AUTS2: variants seen among roughly 807,000 people sequenced by gnomAD.
The protein encoded by AUTS2 is activator of transcription and developmental regulator AUTS2, also known as autism susceptibility gene 2 protein.
In AUTS2, 17 loss-of-function variants were observed where a neutral mutation model predicts 112.4. The ratio of observed to expected loss-of-function variants is 0.15; its 90% CI spans 0.10 to 0.23. The LOEUF is 0.23. Ranked by LOEUF, AUTS2 falls within the 10% of genes least tolerant of loss-of-function variation. The pLI is 1.00. For missense variants in AUTS2, 1,510 were observed against 1,701.6 expected, an observed-to-expected ratio of 0.89 and a Z score of 1.98; for synonymous variants, 751 against 702.7, an observed-to-expected ratio of 1.07 and a Z score of -1.09.
intron 4 of AUTS2, among the ~76,000 whole-genome samples, chr7:70,196,289 G>A (rs1810170917): frequency 6.6e-6 from 1 of 152,194 alleles, no homozygotes; most frequent in Non-Finnish European, 1.5e-5. Flanking sequence ...AAATAATTGG[G>A]CTTGGGAAAT....
chr7:69,701,847 T>G (rs1439033681), intron 1 of AUTS2, among the ~76,000 whole-genome samples: 1 of 152,142 alleles, frequency 6.6e-6, no homozygotes, highest in Non-Finnish European at 1.5e-5. Context: ...GTGGTGGAGT[T>G]GGGGTTTGAG....
intron 1 of AUTS2, among the ~76,000 whole-genome samples, chr7:69,625,639 C>T (rs1325327879): frequency 1.3e-5 from 2 of 151,964 alleles, no homozygotes; most frequent in African/African-American, 4.8e-5. Context: ...CTGGAGGATC[C>T]CTTGAGTCCA....
chr7:70,181,770 T>C (rs1031060256), intron 4 of AUTS2, among the ~76,000 whole-genome samples: 3 of 150,044 alleles, frequency 2.0e-5, no homozygotes, highest in African/African-American at 7.4e-5. Flanking sequence ...ATTACAGGCG[T>C]GAGCCACCAA....
intron 2 of AUTS2, among the ~76,000 whole-genome samples, chr7:69,958,037 T>C (rs1409216718): frequency 6.6e-6 from 1 of 152,182 alleles, no homozygotes; most frequent in African/African-American, 2.4e-5. Context: ...CAGGCATTCA[T>C]GGATGTAGTG....
At chr7:69,695,490 T>C (rs1306547013) in intron 1 of AUTS2, among the ~76,000 whole-genome samples, 1 of 152,106 alleles carries the variant, frequency 6.6e-6, no homozygotes, top group Non-Finnish European at 1.5e-5. Context: ...AAAATTGTAG[T>C]CAGATATTTG....
intron 1 of AUTS2, among the ~76,000 whole-genome samples, chr7:69,839,646 A>G (rs184994839): frequency 3.3e-5 from 5 of 152,182 alleles, no homozygotes; most frequent in African/African-American, 9.7e-5. Context: ...CCCATCCCCA[A>G]TTAAACACTT....
intron 2 of AUTS2, among the ~76,000 whole-genome samples, chr7:70,000,619 T>C (rs537809010): frequency 1.9e-4 from 29 of 152,344 alleles, no homozygotes; most frequent in African/African-American, 6.3e-4. Flanking sequence ...AATTCAATTC[T>C]GTATTCTCCC....
chr7:70,138,707 C>A (rs117986007), intron 4 of AUTS2, among the ~76,000 whole-genome samples: 1 of 152,062 alleles, frequency 6.6e-6, no homozygotes, highest in Non-Finnish European at 1.5e-5. Context: ...TTAAAACTGC[C>A]GCATTATATA....
At chr7:70,673,163 A>T (rs1456575682) in intron 5 of AUTS2, among the ~76,000 whole-genome samples, 1 of 152,162 alleles carries the variant, frequency 6.6e-6, no homozygotes, top group Non-Finnish European at 1.5e-5. Flanking sequence ...AGTGACCTAC[A>T]TGCAGTAGTT....
At chr7:70,491,309 C>T (rs1191554402) in intron 5 of AUTS2, among the ~76,000 whole-genome samples, 1 of 151,746 alleles carries the variant, frequency 6.6e-6, no homozygotes, top group Non-Finnish European at 1.5e-5. Flanking sequence ...TGGGCAGGCT[C>T]CCTTTCCTTT....
At chr7:70,179,324 A>G (rs1735791436) in intron 4 of AUTS2, among the ~76,000 whole-genome samples, 1 of 152,202 alleles carries the variant, frequency 6.6e-6, no homozygotes, top group African/African-American at 2.4e-5. Flanking sequence ...GCCCTGAAGC[A>G]TGAGTTTTGG....
intron 2 of AUTS2, among the ~76,000 whole-genome samples, chr7:70,022,666 A>T (rs1455617484): frequency 6.6e-6 from 1 of 151,952 alleles, no homozygotes; most frequent in Non-Finnish European, 1.5e-5. Flanking sequence ...AAAGGACATC[A>T]TAGGGGCTTA....
At chr7:70,687,357 C>T (rs1163396854) in intron 5 of AUTS2, among the ~76,000 whole-genome samples, 2 of 152,188 alleles carry the variant, frequency 1.3e-5, no homozygotes, top group African/African-American at 2.4e-5. Flanking sequence ...TTGGGTGACA[C>T]GAGCAGGGAT....
At chr7:69,655,637 G>C (rs932116629) in intron 1 of AUTS2, among the ~76,000 whole-genome samples, 18 of 152,200 alleles carry the variant, frequency 1.2e-4, no homozygotes, top group African/African-American at 4.1e-4. Flanking sequence ...TTTGGGGGAA[G>C]GGAAGTGGAG....
Position 69,978,912 on chromosome 7 carries a change from A to G in AUTS2, c.522+79414A>G, listed in dbSNP as rs891389078. Reference sequence around the variant, plus strand: ...CACACACACACACACGCACACACGCACACACACACGCACACACACCCATTA... The same window carrying G: ...CACACACACACACACGCACACACGCGCACACACACGCACACACACCCATTA... On this transcript the variant is annotated intron_variant, in intron 2 of 18. Transcript: ENST00000342771. Among the ~76,000 whole-genome samples, 8 of 150,194 alleles carry G rather than the reference A, an allele frequency of 5.3e-5. No individual in the cohort carries two copies. In the East Asian group the frequency reaches 7.9e-4, roughly 15 times the overall value.
chr7:70,781,930 T>C, intron 15 of AUTS2, 174 bp downstream of exon 15: 4 of 709,470 alleles, frequency 5.6e-6, no homozygotes, highest in Non-Finnish European at 6.8e-6. Flanking sequence ...TCTTCATTGA[T>C]ACACTCTCTT....
At chr7:70,522,049 T>C (rs1799666422) in intron 5 of AUTS2, among the ~76,000 whole-genome samples, 1 of 152,174 alleles carries the variant, frequency 6.6e-6, no homozygotes, top group East Asian at 1.9e-4. Flanking sequence ...ATATGATTAT[T>C]AGCATTATTA....
chr7:70,734,968 T>G (rs1025019678), intron 6 of AUTS2, among the ~76,000 whole-genome samples: 3 of 151,990 alleles, frequency 2.0e-5, no homozygotes, highest in African/African-American at 7.3e-5. Context: ...ATTATAAGCT[T>G]TCAACCCAAG....
intron 5 of AUTS2, among the ~76,000 whole-genome samples, chr7:70,548,021 T>TGA: frequency 6.6e-6 from 1 of 152,348 alleles, no homozygotes; most frequent in Non-Finnish European, 1.5e-5. Flanking sequence ...TTTGTATTTC[T>TGA]CTAAGGATGT....
Sources: allele counts gnomAD v4.1 joint callset (sites outside exome capture counted in the v4.1 genomes callset), GRCh38; gene constraint gnomAD v4.1.1; transcripts MANE v1.5; gene names NCBI Gene and HGNC (gene_info 2026-07-23, HGNC 2026-07-21).